UNC5C: variants seen among roughly 807,000 people sequenced by gnomAD.
UNC5C encodes the protein netrin receptor UNC5C.
Under a neutral mutation model 99.8 loss-of-function variants are expected in UNC5C, and 47 were observed. The ratio of observed to expected loss-of-function variants is 0.47; its 90% confidence interval spans 0.37 to 0.60. The LOEUF (loss-of-function observed/expected upper bound fraction) is 0.60, where lower values mean the gene tolerates loss of function less well. Among genes scored for constraint, UNC5C ranks in the 20% least tolerant of loss-of-function variants. UNC5C has a pLI of 0.00. For synonymous variants in UNC5C, 487 were observed against 452.2 expected, an observed-to-expected ratio of 1.08 and a Z score of -0.98; for missense variants, 1,062 against 1,165.9, an observed-to-expected ratio of 0.91 and a Z score of 1.30.
At chr4:95,361,967 T>TATATATATATATATATATA (rs1560804478) in intron 1 of UNC5C, among the ~76,000 whole-genome samples, 1 of 149,574 alleles carries the variant, frequency 6.7e-6, no homozygotes, top group South Asian at 2.1e-4. Flanking sequence ...CTATTATCTA[T>TATATATATATATATATATA]TATATATATA....
At chr4:95,227,806 A>T (rs1376405884) in intron 7 of UNC5C, among the ~76,000 whole-genome samples, 6 of 152,322 alleles carry the variant, frequency 3.9e-5, no homozygotes, top group African/African-American at 1.4e-4. Flanking sequence ...ATAATTTTGC[A>T]TTGTCCAGCT....
chr4:95,513,721 G>C (rs1464022838), intron 1 of UNC5C, among the ~76,000 whole-genome samples: 2 of 152,156 alleles, frequency 1.3e-5, no homozygotes, highest in Non-Finnish European at 2.9e-5. Flanking sequence ...AACAGCTTTA[G>C]AGCAGGCTGG....
chr4:95,461,538 T>C (rs1747599365), intron 1 of UNC5C, among the ~76,000 whole-genome samples: 1 of 152,344 alleles, frequency 6.6e-6, no homozygotes, highest in Admixed American at 6.5e-5. Context: ...CAATTTTACC[T>C]TACAAATATC....
At chr4:95,356,516 T>A (rs1231085975) in intron 1 of UNC5C, among the ~76,000 whole-genome samples, 2 of 152,154 alleles carry the variant, frequency 1.3e-5, no homozygotes, top group Non-Finnish European at 2.9e-5. Flanking sequence ...TCTTTTGCCT[T>A]TTCTAAGTGT....
At chr4:95,335,060 TC>T (rs1338725122) in intron 2 of UNC5C, among the ~76,000 whole-genome samples, 1 of 151,978 alleles carries the variant, frequency 6.6e-6, no homozygotes, top group Non-Finnish European at 1.5e-5. Context: ...GCTCCCCAGA[TC>T]TCGGGATATT....
intron 10 of UNC5C, among the ~76,000 whole-genome samples, chr4:95,210,742 C>T (rs751888988): frequency 2.0e-5 from 3 of 152,290 alleles, no homozygotes; most frequent in Non-Finnish European, 4.4e-5. Flanking sequence ...TGGATGGGTG[C>T]TGAGTCCTCT....
intron 5 of UNC5C, 86 bp from the exon 6 acceptor site, chr4:95,245,230 A>T (rs1260802552): frequency 2.9e-6 from 4 of 1,369,384 alleles, no homozygotes; most frequent in Non-Finnish European, 3.9e-6. Context: ...ACAATATGTA[A>T]ACAAAGAGTT....
At chr4:95,375,913 T>G (rs1437348132) in intron 1 of UNC5C, among the ~76,000 whole-genome samples, 3 of 151,980 alleles carry the variant, frequency 2.0e-5, no homozygotes, top group Non-Finnish European at 4.4e-5. Flanking sequence ...CCGTCTCTAC[T>G]AAAAATACTA....
At chr4:95,397,914 A>T (rs960864307) in intron 1 of UNC5C, among the ~76,000 whole-genome samples, 1 of 152,168 alleles carries the variant, frequency 6.6e-6, no homozygotes, top group Non-Finnish European at 1.5e-5. Context: ...GAGCAGTAGC[A>T]TTATTAATTG....
At chr4:95,249,703 A>G (rs1024531752) in intron 5 of UNC5C, among the ~76,000 whole-genome samples, 1 of 152,108 alleles carries the variant, frequency 6.6e-6, no homozygotes, top group African/African-American at 2.4e-5. Flanking sequence ...ACTTCCAGAG[A>G]ATTGATAGGT....
intron 1 of UNC5C, among the ~76,000 whole-genome samples, chr4:95,489,588 T>G (rs992737286): frequency 2.6e-5 from 4 of 151,676 alleles, no homozygotes; most frequent in African/African-American, 9.7e-5. Flanking sequence ...ACAGTTAGAT[T>G]ACTGCCATAT....
intron 1 of UNC5C, among the ~76,000 whole-genome samples, chr4:95,482,492 A>G (rs1419097844): frequency 6.7e-6 from 1 of 149,002 alleles, no homozygotes; most frequent in Non-Finnish European, 1.5e-5. Context: ...CATTTGACCC[A>G]GCCATCCCAT....
At chr4:95,290,271 C>A (rs1287540839) in intron 3 of UNC5C, among the ~76,000 whole-genome samples, 1 of 151,662 alleles carries the variant, frequency 6.6e-6, no homozygotes, top group Non-Finnish European at 1.5e-5. Context: ...CATGCCACTG[C>A]AGTCCAGTTT....
chr4:95,169,409 G>A lies in UNC5C; in HGVS notation c.2631-10C>T. The A allele has an allele frequency of 6.2e-7, 1 of 1,613,424 alleles. No homozygotes were observed. The highest frequency in any genetic ancestry group is 8.5e-7 in the Non-Finnish European group (1 of 1,179,512). ...AAAGTAATTCAAGTACCTGTAATTG[G>A]GAAAGAGAAAATGTGCTCAACAGTG... On this transcript the variant is annotated splice_polypyrimidine_tract_variant and intron_variant, in intron 15 of 15. Coordinates refer to ENST00000453304, the MANE Select transcript of UNC5C (RefSeq NM_003728.4).
At chr4:95,227,794 G>A (rs1396899721) in intron 7 of UNC5C, among the ~76,000 whole-genome samples, 1 of 152,178 alleles carries the variant, frequency 6.6e-6, no homozygotes. Flanking sequence ...AACTGACAAT[G>A]TATAATTTTG....
At chr4:95,423,713 T>C (rs994251519) in intron 1 of UNC5C, among the ~76,000 whole-genome samples, 1 of 152,194 alleles carries the variant, frequency 6.6e-6, no homozygotes, top group Non-Finnish European at 1.5e-5. Flanking sequence ...GCATAAGTCA[T>C]CTAAGGCTTT....
intron 1 of UNC5C, among the ~76,000 whole-genome samples, chr4:95,404,729 T>C (rs1745788131): frequency 6.6e-6 from 1 of 152,148 alleles, no homozygotes; most frequent in Admixed American, 6.5e-5. Context: ...AACAGGAATT[T>C]CTGGTTTTGT....
intron 1 of UNC5C, among the ~76,000 whole-genome samples, chr4:95,492,358 T>C (rs1415244843): frequency 6.6e-6 from 1 of 151,498 alleles, no homozygotes; most frequent in Non-Finnish European, 1.5e-5. Flanking sequence ...CGTTTTGTCG[T>C]ATCAATTTTT....
Position 95,165,609 on chromosome 4 carries a change from C to T in UNC5C, c.*3625G>A, listed in dbSNP as rs778884516. The T allele has an allele frequency of 6.6e-6, 1 of 152,204 alleles. No homozygotes were observed. Among genetic ancestry groups the T allele is most frequent in the African/African-American group, 2.4e-5 (1 of 41,440 alleles). The allele number at this position is 152,204 out of a possible 1,614,324, so 9.4% of individuals were successfully genotyped here. On this transcript the variant is annotated 3_prime_UTR_variant, in exon 16 of 16. Transcript: ENST00000453304. The stretch of plus-strand genomic sequence containing the variant: ...AGAAAATAAAAACAGGATGAAACCT[C>T]TGCCTTTGGATTCCCAAATTCAGCA...
Sources: gnomAD v4.1 joint callset for allele counts (sites outside exome capture counted in the v4.1 genomes callset) on GRCh38, gnomAD v4.1.1 for gene constraint, MANE v1.5 for transcripts, NCBI Gene and HGNC (gene_info 2026-07-23, HGNC 2026-07-21) for gene names.